The following TAFA1 variants were observed in gnomAD, a reference collection of about 807,000 sequenced individuals.
TAFA1 encodes the protein chemokine-like protein TAFA-1.
A neutral mutation model predicts 18.5 loss-of-function variants in TAFA1; 4 were observed. The observed-to-expected ratio is 0.22, with a 90% CI of 0.11 to 0.49. The LOEUF is 0.49. Among genes scored for constraint, TAFA1 ranks in the 20% least tolerant of loss-of-function variants. The pLI, the probability that TAFA1 is intolerant of heterozygous loss-of-function variation, is 0.98. For missense variants in TAFA1, 147 were observed against 169.0 expected, an observed-to-expected ratio of 0.87 and a Z score of 0.72; for synonymous variants, 56 against 55.2, an observed-to-expected ratio of 1.01 and a Z score of -0.06.
At chr3:68,374,939 A>T (rs1038047045) in intron 2 of TAFA1, among the ~76,000 whole-genome samples, 2 of 151,890 alleles carry the variant, frequency 1.3e-5, no homozygotes, top group African/African-American at 4.8e-5. Context: ...GTGCAAAAGT[A>T]CAAGAAGAGC....
intron 2 of TAFA1, among the ~76,000 whole-genome samples, chr3:68,124,128 T>C (rs1005605446): frequency 1.3e-5 from 2 of 152,164 alleles, no homozygotes; most frequent in Non-Finnish European, 2.9e-5. Context: ...CTTTTTTTTA[T>C]TTGAAGTAAG....
intron 3 of TAFA1, among the ~76,000 whole-genome samples, chr3:68,513,133 T>C (rs2072874100): frequency 6.6e-6 from 1 of 152,124 alleles, no homozygotes; most frequent in African/African-American, 2.4e-5. Flanking sequence ...ATGATTCCAT[T>C]CCACTTTTCA....
intron 2 of TAFA1, among the ~76,000 whole-genome samples, chr3:68,371,746 G>A (rs147516023): frequency 1.5e-4 from 23 of 152,236 alleles, no homozygotes; most frequent in East Asian, 9.7e-4. Flanking sequence ...ACTCAAATGC[G>A]CACAGGATGC....
chr3:68,059,233 G>A (rs1004284402), intron 2 of TAFA1, among the ~76,000 whole-genome samples: 2 of 151,778 alleles, frequency 1.3e-5, no homozygotes, highest in African/African-American at 4.8e-5. Flanking sequence ...AAAGTGCCAG[G>A]CACAGCACTA....
At chr3:68,431,472 A>G (rs1440761397) in intron 3 of TAFA1, among the ~76,000 whole-genome samples, 2 of 152,026 alleles carry the variant, frequency 1.3e-5, no homozygotes, top group African/African-American at 4.8e-5. Flanking sequence ...AATGCATGAG[A>G]TGGGTACTAT....
intron 2 of TAFA1, among the ~76,000 whole-genome samples, chr3:68,187,439 G>C (rs2066284559): frequency 6.6e-6 from 1 of 151,912 alleles, no homozygotes; most frequent in African/African-American, 2.4e-5. Flanking sequence ...GTCTATTTTT[G>C]AACTTTCTAT....
chr3:68,481,400 A>C (rs78077789), intron 3 of TAFA1, among the ~76,000 whole-genome samples: 1 of 152,208 alleles, frequency 6.6e-6, no homozygotes, highest in African/African-American at 2.4e-5. Context: ...GTCTTGCTCA[A>C]ACTGCTAAAA....
intron 3 of TAFA1, among the ~76,000 whole-genome samples, chr3:68,499,272 A>G (rs2072611513): frequency 1.3e-5 from 2 of 151,698 alleles, no homozygotes; most frequent in African/African-American, 4.8e-5. Context: ...AAGAAAAAAA[A>G]AAGCTACTTA....
At chr3:68,309,781 G>C (rs2068483852) in intron 2 of TAFA1, among the ~76,000 whole-genome samples, 1 of 152,158 alleles carries the variant, frequency 6.6e-6, no homozygotes, top group Admixed American at 6.5e-5. Context: ...GCTCAACATG[G>C]TCCTCAAATC....
chr3:68,026,127 T>C (rs927451833), intron 2 of TAFA1, among the ~76,000 whole-genome samples: 2 of 152,110 alleles, frequency 1.3e-5, no homozygotes, highest in Non-Finnish European at 2.9e-5. Context: ...ATTTACATAA[T>C]TCCTCCACAG....
intron 2 of TAFA1, among the ~76,000 whole-genome samples, chr3:68,194,093 G>A (rs2066381683): frequency 6.6e-6 from 1 of 151,724 alleles, no homozygotes; most frequent in Non-Finnish European, 1.5e-5. Flanking sequence ...CAACAGGACT[G>A]GTGAAATGTT....
At chr3:68,003,099 A>G (rs1360925578), upstream of TAFA1, among the ~76,000 whole-genome samples, 1 of 152,214 alleles carries the variant, frequency 6.6e-6, no homozygotes, top group Non-Finnish European at 1.5e-5. Context: ...ATTAATATTT[A>G]CTATTACTTA....
intron 3 of TAFA1, among the ~76,000 whole-genome samples, chr3:68,508,831 G>C (rs947934189): frequency 6.6e-6 from 1 of 152,038 alleles, no homozygotes; most frequent in Non-Finnish European, 1.5e-5. Context: ...TATAGATAGA[G>C]TTCATAGGGC....
intron 2 of TAFA1, among the ~76,000 whole-genome samples, chr3:68,148,312 T>C (rs1245405248): frequency 6.6e-6 from 1 of 152,236 alleles, no homozygotes; most frequent in African/African-American, 2.4e-5. Flanking sequence ...CAAGAAGCCT[T>C]ATGTATTTAA....
At chr3:68,532,962 G>A (rs973448168) in intron 3 of TAFA1, among the ~76,000 whole-genome samples, 1 of 151,446 alleles carries the variant, frequency 6.6e-6, no homozygotes, top group African/African-American at 2.4e-5. Context: ...TGCCAATGAT[G>A]AGGACACACC....
At chr3:68,235,667 G>C (rs564403828) in intron 2 of TAFA1, among the ~76,000 whole-genome samples, 1 of 152,034 alleles carries the variant, frequency 6.6e-6, no homozygotes, top group Non-Finnish European at 1.5e-5. Flanking sequence ...TGTAGATCAA[G>C]TATGGCTGGC....
intron 3 of TAFA1, among the ~76,000 whole-genome samples, chr3:68,488,665 A>C (rs903786809): frequency 3.9e-5 from 6 of 152,200 alleles, no homozygotes; most frequent in Admixed American, 2.0e-4. Flanking sequence ...TACCTGCACC[A>C]CAGGGTTTTG....
chr3:68,320,167 G>A (rs1457792246), intron 2 of TAFA1, among the ~76,000 whole-genome samples: 2 of 152,198 alleles, frequency 1.3e-5, no homozygotes, highest in East Asian at 1.9e-4. Flanking sequence ...GAGAGATGGT[G>A]TATGTTTTAA....
chr3:68,450,109 T>G (rs1269879151), intron 3 of TAFA1, among the ~76,000 whole-genome samples: 1 of 152,138 alleles, frequency 6.6e-6, no homozygotes, highest in African/African-American at 2.4e-5. Flanking sequence ...AAAATTGTAG[T>G]CCTGAGGATG....
Sources: gnomAD v4.1 joint callset for allele counts (sites outside exome capture counted in the v4.1 genomes callset) on GRCh38, gnomAD v4.1.1 for gene constraint, MANE v1.5 for transcripts, NCBI Gene and HGNC (gene_info 2026-07-23, HGNC 2026-07-21) for gene names.